MECOM: variants seen among roughly 807,000 people sequenced by gnomAD.
The protein encoded by MECOM is histone-lysine N-methyltransferase MECOM.
In MECOM, 13 loss-of-function variants were observed where a neutral mutation model predicts 116.3. The ratio of observed to expected loss-of-function variants is 0.11; its 90% CI spans 0.07 to 0.18. The LOEUF (loss-of-function observed/expected upper bound fraction) is 0.18. Among genes scored for constraint, MECOM ranks in the 10% least tolerant of loss-of-function variants. The probability of loss-of-function intolerance (pLI) is 1.00; values close to 1 mark genes in which losing one functional copy is unlikely to be tolerated. For synonymous variants in MECOM, 528 were observed against 535.2 expected, an observed-to-expected ratio of 0.99 and a Z score of 0.19; for missense variants, 1,299 against 1,509.0, an observed-to-expected ratio of 0.86 and a Z score of 2.31.
At chr3:169,424,687 A>C (rs1316581025) in intron 1 of MECOM, among the ~76,000 whole-genome samples, 2 of 152,118 alleles carry the variant, frequency 1.3e-5, no homozygotes, top group South Asian at 2.1e-4. Context: ...GTCTCCTTGA[A>C]TCTATTAGAA....
At chr3:169,480,666 C>T (rs147674535) in intron 1 of MECOM, among the ~76,000 whole-genome samples, 14 of 152,158 alleles carry the variant, frequency 9.2e-5, no homozygotes, top group African/African-American at 2.4e-4. Context: ...GATGATAGGG[C>T]GACCTGGTAA....
intron 1 of MECOM, among the ~76,000 whole-genome samples, chr3:169,433,679 A>AAGAAAGAAAGAAAGAAAGAAAGAAAG (rs1284612760): frequency 6.8e-6 from 1 of 146,766 alleles, no homozygotes; most frequent in African/African-American, 2.5e-5. Context: ...GAAAGAAAGA[A>AAGAAAGAAAGAAAGAAAGAAAGAAAG]AGAAAGAAAG....
At chr3:169,166,756 T>C (rs565677385) in intron 2 of MECOM, among the ~76,000 whole-genome samples, 19 of 152,288 alleles carry the variant, frequency 1.2e-4, no homozygotes, top group African/African-American at 4.6e-4. Context: ...AAATAAACTG[T>C]GTTCATAAAT....
intron 1 of MECOM, among the ~76,000 whole-genome samples, chr3:169,384,012 C>G (rs1439032580): frequency 6.6e-6 from 1 of 152,130 alleles, no homozygotes; most frequent in Non-Finnish European, 1.5e-5. Flanking sequence ...TGAATTATTA[C>G]ACAATTTTAT....
intron 12 of MECOM, among the ~76,000 whole-genome samples, 165 bp from the exon 13 acceptor site, chr3:169,095,410 T>C (rs930659345): frequency 6.6e-6 from 1 of 152,186 alleles, no homozygotes; most frequent in African/African-American, 2.4e-5. Context: ...TCCAATATAC[T>C]CTGATTGCTT....
In MECOM at chr3:169,199,843, T is replaced by G. The variant is rs1353130851; in HGVS notation, c.376-56011A>C. On this transcript the variant is annotated intron_variant, in intron 2 of 16. Transcript: ENST00000651503. ...TTTCATGAAACATACACTGTATATTTACATGTTTTCAAAGGTTAGCTGTGA... is the reference window on the plus strand; with the variant it reads ...TTTCATGAAACATACACTGTATATTGACATGTTTTCAAAGGTTAGCTGTGA... Among the ~76,000 whole-genome samples the G allele has an allele frequency of 5.9e-5, 9 of 152,098 alleles. 1 individual carries two copies. Among genetic ancestry groups the G allele is most frequent in the Non-Finnish European group, 1.5e-5 (1 of 67,998 alleles).
At chr3:169,447,297 T>A (rs1342224816) in intron 1 of MECOM, among the ~76,000 whole-genome samples, 1 of 152,092 alleles carries the variant, frequency 6.6e-6, no homozygotes, top group Non-Finnish European at 1.5e-5. Context: ...ACCTTCTCAT[T>A]CAGTAGCTAG....
rs534304708 is a variant in MECOM, at chr3:169,124,994, C to G, written c.831-2267G>C. Reference sequence around the variant, plus strand: ...GAAAATGAAGTGCCCATTCTCATATCTTGATAAATTAGAAATGCATTTCCT... The same window carrying G: ...GAAAATGAAGTGCCCATTCTCATATGTTGATAAATTAGAAATGCATTTCCT... On this transcript the variant is annotated intron_variant, in intron 5 of 16. Transcript: ENST00000651503. 1.7e-3 allele frequency among the ~76,000 whole-genome samples: 263 copies of G among 152,186 alleles called. 1 individual carries two copies. The highest frequency in any genetic ancestry group is 3.4e-3 in the Middle Eastern group (1 of 294).
intron 2 of MECOM, among the ~76,000 whole-genome samples, chr3:169,333,336 G>A (rs1003514148): frequency 2.0e-5 from 3 of 152,102 alleles, no homozygotes; most frequent in African/African-American, 7.2e-5. Context: ...CCAAGCCAGC[G>A]AGAAGGAGAA....
rs180822633 is a variant in MECOM, at chr3:169,302,833, C to T, written c.375+78354G>A. On this transcript the variant is annotated intron_variant, in intron 2 of 16. Transcript: ENST00000651503. ...GAGCCGAGATTGTACCACTGCACTC[C>T]AGCCTGGGCAATAGAGGGAGACTCT... Among the ~76,000 whole-genome samples, 63 of 151,882 alleles carry T rather than the reference C, an allele frequency of 4.1e-4. 1 individual carries two copies. Among genetic ancestry groups the T allele is most frequent in the Admixed American group, 4.1e-3 (62 of 15,280 alleles).
chr3:169,492,057 G>A (rs991156284), intron 1 of MECOM, among the ~76,000 whole-genome samples: 1 of 152,134 alleles, frequency 6.6e-6, no homozygotes. Flanking sequence ...CCCAAGTTTG[G>A]TACATTAGTA....
chr3:169,262,606 A>T (rs1757699105), intron 2 of MECOM, among the ~76,000 whole-genome samples: 2 of 151,992 alleles, frequency 1.3e-5, no homozygotes, highest in African/African-American at 4.8e-5. Context: ...CTTCTCCATT[A>T]TTCTCTTCTC....
At chr3:169,586,088 A>AT (rs1005580309) in intron 1 of MECOM, among the ~76,000 whole-genome samples, 11 of 152,284 alleles carry the variant, frequency 7.2e-5, no homozygotes, top group Non-Finnish European at 1.5e-4. Context: ...CTCAATTTCT[A>AT]TTTTTTATAT....
At chr3:169,330,930 T>C (rs1330081120) in intron 2 of MECOM, among the ~76,000 whole-genome samples, 1 of 152,110 alleles carries the variant, frequency 6.6e-6, no homozygotes, top group Non-Finnish European at 1.5e-5. Flanking sequence ...GTTATAGAGC[T>C]ATAAATGACA....
At chr3:169,181,618 A>G (rs2149396882) in intron 2 of MECOM, among the ~76,000 whole-genome samples, 1 of 152,304 alleles carries the variant, frequency 6.6e-6, no homozygotes, top group South Asian at 2.1e-4. Context: ...TGCTTTTCCC[A>G]AGGGTGTAAC....
chr3:169,423,381 A>G (rs1740096216), intron 1 of MECOM, among the ~76,000 whole-genome samples: 1 of 152,138 alleles, frequency 6.6e-6, no homozygotes, highest in Non-Finnish European at 1.5e-5. Context: ...TTTCTGTTAA[A>G]AAGTTTTATG....
chr3:169,116,249 A>C lies in MECOM; in HGVS notation c.1623T>G (p.Ile541Met). ...HPQILPATQD[I>M]LKALSKHPSV... is the part of the protein sequence containing the mutation. ...ATGGGTGTTTAGATAGTGCCTTCAA[A>C]ATATCCTGTGTAGCTGGCAGTATCT... Residue 541 changes from isoleucine to methionine, a missense_variant, in exon 8 of 17, where the codon ATT becomes ATG. Transcript: ENST00000651503. 1 of 1,614,138 alleles carries C rather than the reference A, an allele frequency of 6.2e-7. No homozygotes were observed. Among genetic ancestry groups the C allele is most frequent in the African/African-American group, 1.3e-5 (1 of 75,012 alleles).
intron 2 of MECOM, among the ~76,000 whole-genome samples, chr3:169,367,014 C>A (rs1375053039): frequency 3.9e-5 from 6 of 152,054 alleles, no homozygotes; most frequent in African/African-American, 1.4e-4. Context: ...GCGCACTGTG[C>A]CCCCAGGAAG....
chr3:169,610,380 TA>T (rs1364180701), intron 1 of MECOM, among the ~76,000 whole-genome samples: 3 of 152,238 alleles, frequency 2.0e-5, no homozygotes, highest in Non-Finnish European at 4.4e-5. Flanking sequence ...AGGATGATAA[TA>T]GCAAATAATA....
Sources: gnomAD v4.1 joint callset for allele counts (sites outside exome capture counted in the v4.1 genomes callset) on GRCh38, gnomAD v4.1.1 for gene constraint, MANE v1.5 for transcripts, NCBI Gene and HGNC (gene_info 2026-07-23, HGNC 2026-07-21) for gene names.